The following FAM149A variants were observed in gnomAD, a reference collection of about 807,000 sequenced individuals.
The protein encoded by FAM149A is family with sequence similarity 149 member A.
A neutral mutation model predicts 78.2 loss-of-function variants in FAM149A; 71 were observed. The observed-to-expected ratio is 0.91, with a 90% CI of 0.75 to 1.11. FAM149A has a LOEUF of 1.11. Among genes scored for constraint, FAM149A ranks in the 50% least tolerant of loss-of-function variants. The pLI is 0.00. For missense variants in FAM149A, 1,036 were observed against 971.0 expected, an observed-to-expected ratio of 1.07 and a Z score of -0.89; for synonymous variants, 446 against 410.5, an observed-to-expected ratio of 1.09 and a Z score of -1.04.
intron 8 of FAM149A, 98 bp from the exon 9 acceptor site, chr4:186,162,747 G>A (rs573508802): frequency 3.7e-5 from 24 of 653,812 alleles, no homozygotes; most frequent in East Asian, 3.3e-4. Flanking sequence ...TGAGTGTGCC[G>A]GGTGTTTCCT....
rs768452861 is a variant in FAM149A, at chr4:186,167,102, T to C, written c.2139+6T>C. On this transcript the variant is annotated splice_donor_region_variant and intron_variant, in intron 12 of 13. Transcript: ENST00000389354. ...GCACAACCCACACGTTCCGGGTGGG[T>C]TCTCTGTTTCCTGTAACTTTAATTT... 2.5e-6 allele frequency: 4 copies of C among 1,610,238 alleles called. No individual in the cohort carries two copies. In the South Asian group the frequency reaches 4.4e-5, roughly 18 times the overall value.
chr4:186,165,578 G>A, intron 11 of FAM149A, 114 bp downstream of exon 11: 3 of 978,026 alleles, frequency 3.1e-6, no homozygotes, highest in Non-Finnish European at 4.6e-6. Flanking sequence ...CTGAGTAGCT[G>A]TATTCAAATG....
chr4:186,158,346 C>T, intron 8 of FAM149A: 1 of 1,206,742 alleles, frequency 8.3e-7, no homozygotes, highest in Non-Finnish European at 1.0e-6. Context: ...CTCCTCTGTG[C>T]TGTGTGGAAG....
chr4:186,157,727 C>T lies in FAM149A; in HGVS notation c.1575+8C>T, dbSNP rs768855709. On this transcript the variant is annotated splice_region_variant and intron_variant, in intron 8 of 13. Transcript: ENST00000389354. ...CGTCTGAACCCGCCCCAGGTCGGTG[C>T]TTTCACACCCTTCTCCCTCTTGCCT... 4 of 1,598,224 alleles carry T rather than the reference C, an allele frequency of 2.5e-6. No individual in the cohort carries two copies. The highest frequency in any genetic ancestry group is 1.1e-5 in the South Asian group (1 of 88,280).
rs756542002 is a variant in FAM149A, at chr4:186,166,962, A to G, written c.2011-6A>G. On this transcript the variant is annotated splice_region_variant and splice_polypyrimidine_tract_variant and intron_variant, in intron 11 of 13. Coordinates refer to ENST00000389354, the MANE Select transcript of FAM149A (RefSeq NM_001367768.3). The stretch of plus-strand genomic sequence containing the variant: ...TTTAAACAAGAACATACTATCCTTC[A>G]TTTAGTACAGAGGAAGGCATCTACA... The G allele has an allele frequency of 1.2e-6, 2 of 1,612,012 alleles. No homozygotes were observed. Among genetic ancestry groups the G allele is most frequent in the Non-Finnish European group, 1.7e-6 (2 of 1,178,776 alleles).
chr4:186,138,530 C>T (rs2099324457), intron 1 of FAM149A, among the ~76,000 whole-genome samples: 1 of 152,186 alleles, frequency 6.6e-6, no homozygotes, highest in Non-Finnish European at 1.5e-5. Context: ...CCTTCCTCTC[C>T]TCCAGGGTCC....
chr4:186,164,554 C>G lies in FAM149A; in HGVS notation c.1890-790C>G. On this transcript the variant is annotated intron_variant, in intron 10 of 13. Coordinates refer to ENST00000389354, the MANE Select transcript of FAM149A (RefSeq NM_001367768.3). This position sits in a 1 kb window ranked among gnomAD's most constrained non-coding sequence, Gnocchi z 4.0. The stretch of plus-strand genomic sequence containing the variant: ...TGACTGTTTCTTTCACAGTTTGGGA[C>G]TGATGTTTCCAGCTGTGTTGGGTCT... 7 of 891,600 alleles carry G rather than the reference C, an allele frequency of 7.9e-6. No individual in the cohort carries two copies. Among genetic ancestry groups the G allele is most frequent in the Non-Finnish European group, 8.1e-6 (6 of 744,210 alleles). The allele number at this position is 891,600 out of a possible 1,614,324, so 55.2% of individuals were successfully genotyped here.
At chr4:186,160,733 C>T (rs1319487473) in intron 8 of FAM149A, 5 of 945,104 alleles carry the variant, frequency 5.3e-6, no homozygotes, top group Non-Finnish European at 6.3e-6. Context: ...CCTCACCACA[C>T]CCCACACACA....
At position 186,145,161 on chromosome 4, in the gene FAM149A, G is replaced by A. The variant is rs912836956; in HGVS notation, c.567-4012G>A. On this transcript the variant is annotated intron_variant, in intron 1 of 13. Transcript: ENST00000389354. ...CTCGCCTTCTGGCCGCTCTGCAGGC[G>A]ATGTGCGCGGTGTTCTCCGCCCGCG... 1.9e-5 allele frequency: 19 copies of A among 985,072 alleles called. No homozygotes were observed. In the African/African-American group the frequency reaches 3.0e-4, roughly 15 times the overall value. 61.0% of individuals were successfully genotyped at this position (985,072 alleles called of 1,614,324 possible). A position where few individuals can be genotyped will look rare whatever the true frequency, so the allele number is the denominator to read the frequency against.
At chr4:186,147,072 T>C (rs1579867990) in intron 1 of FAM149A, 1 of 732,542 alleles carries the variant, frequency 1.4e-6, no homozygotes, top group Middle Eastern at 7.0e-4. Context: ...CTTCGTAGAG[T>C]AGCAGGTGAT....
At chr4:186,112,227 G>T (rs1470468277) in intron 1 of FAM149A, among the ~76,000 whole-genome samples, 2 of 151,140 alleles carry the variant, frequency 1.3e-5, no homozygotes, top group Non-Finnish European at 2.9e-5. Flanking sequence ...GAATGCTTGT[G>T]ATTTTTGTAC....
intron 13 of FAM149A, chr4:186,170,986 A>G (rs1735477111): frequency 6.6e-6 from 1 of 152,352 alleles, no homozygotes; most frequent in African/African-American, 2.4e-5. Context: ...ATCCTCATAA[A>G]GGAATTTCTG....
In FAM149A at chr4:186,153,936, A is replaced by G. The variant is rs539258787; in HGVS notation, c.1058+166A>G. 3.9e-5 allele frequency among the ~76,000 whole-genome samples: 6 copies of G among 152,356 alleles called. No homozygotes were observed. In the South Asian group the frequency reaches 1.2e-3, roughly 32 times the overall value. On this transcript the variant is annotated intron_variant, in intron 5 of 13. Transcript: ENST00000389354. ...TTTTTATAAGAAGCTTTTGATTCTG[A>G]ATTGATGATAGGTGTATATGTGTGT...
intron 1 of FAM149A, among the ~76,000 whole-genome samples, chr4:186,129,715 A>G (rs66475786): frequency 0.19 from 29,086 of 152,218 alleles, 3,052 homozygotes; most frequent in South Asian, 0.27. Flanking sequence ...ATACCAAGCA[A>G]ATACAATCCT....
At position 186,156,051 on chromosome 4, in the gene FAM149A, C is replaced by T. The variant is rs114480943; in HGVS notation, c.1281C>T (p.Arg427=). The T allele has an allele frequency of 1.6e-4, 260 of 1,613,850 alleles. No homozygotes were observed. The highest frequency in any genetic ancestry group is 6.1e-4 in the African/African-American group (46 of 75,026). ...CAGCTCAGCCCGGTAGGAAATGGCG[C>T]AAACTCGGACTTCCTCCTGTTTCCC... Residue 427 remains arginine, a synonymous_variant, in exon 7 of 14, where the codon CGC becomes CGT. Transcript: ENST00000389354.
chr4:186,169,512 T>C, intron 13 of FAM149A: 1 of 984,428 alleles, frequency 1.0e-6, no homozygotes, highest in Non-Finnish European at 1.2e-6. Context: ...TGGAAAGCTC[T>C]TTCTTTCCTC....
chr4:186,143,149 CTTTTTTTTTT>C (rs141403092), intron 1 of FAM149A, among the ~76,000 whole-genome samples: 2,040 of 85,070 alleles, frequency 0.024, 68 homozygotes, highest in African/African-American at 0.071. Flanking sequence ...TCGATTTTTA[CTTTTTTTTTT>C]TTTTTTTTTT....
intron 1 of FAM149A, chr4:186,116,717 A>T: frequency 2.1e-6 from 2 of 971,904 alleles, no homozygotes; most frequent in Non-Finnish European, 2.4e-6. Context: ...CCTGCCTCAG[A>T]CTTCTGAGTA....
At chr4:186,107,751 A>C (rs2099309380) in intron 1 of FAM149A, 1 of 152,384 alleles carries the variant, frequency 6.6e-6, no homozygotes, top group South Asian at 2.1e-4. Flanking sequence ...TGCCATGAGA[A>C]GTAATATACA....
Sources: gnomAD v4.1 joint callset for allele counts (sites outside exome capture counted in the v4.1 genomes callset) on GRCh38, gnomAD v4.1.1 for gene constraint, Gnocchi (gnomAD v3.1) non-coding constraint, MANE v1.5 for transcripts, NCBI Gene and HGNC (gene_info 2026-07-23, HGNC 2026-07-21) for gene names.